Variants in RBM33 observed in about 807,000 individuals in gnomAD.
The protein encoded by RBM33 is RNA-binding protein 33.
In RBM33, 28 loss-of-function variants were observed where a neutral mutation model predicts 132.6. That is an observed-to-expected ratio of 0.21 (90% CI 0.16 to 0.29). RBM33 has a LOEUF of 0.29. RBM33 is among the 10% of genes least tolerant of loss of function. RBM33 has a pLI of 1.00. For synonymous variants in RBM33, 634 were observed against 593.0 expected (o/e 1.07, Z -1.01); for missense variants, 1,291 against 1,518.5 (o/e 0.85, Z 2.49).
chr7:155,712,057 T>C (rs929794375), intron 8 of RBM33, among the ~76,000 whole-genome samples: 4 of 152,358 alleles, frequency 2.6e-5, no homozygotes, highest in African/African-American at 4.8e-5. Context: ...TGGAAAGTGC[T>C]GAGAGTACAG....
intron 2 of RBM33, among the ~76,000 whole-genome samples, chr7:155,669,211 T>C (rs1798878719): frequency 6.6e-6 from 1 of 152,220 alleles, no homozygotes; most frequent in African/African-American, 2.4e-5. Flanking sequence ...TGGTAAGTTC[T>C]TCTGCCATGC....
At chr7:155,748,990 CCT>C (rs542819900) in intron 14 of RBM33, among the ~76,000 whole-genome samples, 87 of 152,070 alleles carry the variant, frequency 5.7e-4, no homozygotes, top group Non-Finnish European at 1.0e-3. Flanking sequence ...GAGATTGGAG[CCT>C]TTCTCTAGGA....
At chr7:155,767,719 C>T (rs1176941361) in intron 16 of RBM33, among the ~76,000 whole-genome samples, 1 of 152,160 alleles carries the variant, frequency 6.6e-6, no homozygotes, top group African/African-American at 2.4e-5. Flanking sequence ...TAACCCAAAG[C>T]CTTGGCTTCT....
At chr7:155,691,163 G>A (rs1026811528) in intron 5 of RBM33, among the ~76,000 whole-genome samples, 5 of 152,036 alleles carry the variant, frequency 3.3e-5, no homozygotes, top group Admixed American at 1.3e-4. Context: ...GGCTTTGTTC[G>A]TTTCTTTTTA....
intron 14 of RBM33, among the ~76,000 whole-genome samples, chr7:155,758,607 G>A (rs929953548): frequency 4.6e-5 from 7 of 152,232 alleles, no homozygotes; most frequent in African/African-American, 1.7e-4. Flanking sequence ...CAGACTGGTA[G>A]TGAGGGTTGG....
intron 16 of RBM33, among the ~76,000 whole-genome samples, chr7:155,773,885 T>TTCA (rs1458394212): frequency 6.6e-6 from 1 of 152,364 alleles, no homozygotes; most frequent in African/African-American, 2.4e-5. Flanking sequence ...CTTTACTGGA[T>TTCA]TCATCATTTC....
intron 14 of RBM33, among the ~76,000 whole-genome samples, chr7:155,763,316 C>T (rs1056836125): frequency 1.3e-5 from 2 of 152,164 alleles, no homozygotes; most frequent in Non-Finnish European, 2.9e-5. Context: ...GGGTGGAAGG[C>T]GCCGTGATGG....
chr7:155,670,206 T>G (rs1428806078), intron 2 of RBM33, among the ~76,000 whole-genome samples: 1 of 152,238 alleles, frequency 6.6e-6, no homozygotes, highest in South Asian at 2.1e-4. Flanking sequence ...CCAGAAAGAT[T>G]GTTCGTACTC....
At chr7:155,735,622 A>G (rs911492233) in intron 9 of RBM33, among the ~76,000 whole-genome samples, 5 of 152,120 alleles carry the variant, frequency 3.3e-5, no homozygotes, top group Admixed American at 2.0e-4. Context: ...CCCTTGAGCC[A>G]AGGAGTTTGA....
chr7:155,744,141 T>C (rs1004270588), intron 13 of RBM33, among the ~76,000 whole-genome samples: 3 of 152,204 alleles, frequency 2.0e-5, no homozygotes, highest in Admixed American at 6.5e-5. Context: ...TTAGGGAAAG[T>C]AAGATGGTGA....
intron 13 of RBM33, among the ~76,000 whole-genome samples, chr7:155,742,801 C>T (rs530057153): frequency 1.3e-5 from 2 of 152,292 alleles, no homozygotes; most frequent in Admixed American, 6.5e-5. Flanking sequence ...TAGTTGAGGC[C>T]GTCTTCTCCC....
intron 7 of RBM33, 61 bp downstream of exon 7, chr7:155,707,129 G>T: frequency 7.6e-7 from 1 of 1,323,072 alleles, no homozygotes; most frequent in Non-Finnish European, 1.1e-6. Flanking sequence ...GTAAGCTTTT[G>T]TGGGTATCCT....
intron 2 of RBM33, among the ~76,000 whole-genome samples, chr7:155,669,342 C>A (rs1192608825): frequency 6.6e-6 from 1 of 151,968 alleles, no homozygotes; most frequent in Admixed American, 6.6e-5. Flanking sequence ...GAAAGAGATA[C>A]CCACTCAAAA....
rs80193944 is a variant in RBM33 at position 155,774,066 on chromosome 7, A to G, written c.3376-493A>G. Among the ~76,000 whole-genome samples the G allele has an allele frequency of 0.043, 6,498 of 152,306 alleles. 210 individuals carry two copies. Among genetic ancestry groups the G allele is most frequent in the Non-Finnish European group, 0.069 (4,672 of 68,016 alleles). On this transcript the variant is annotated intron_variant, in intron 16 of 17. Transcript: ENST00000401878. This position sits in a 1 kb window ranked among gnomAD's most constrained non-coding sequence, Gnocchi z 4.2. ...TGCCCCAGGCACCACTGCCCTCACC[A>G]TGGCCCAGCCAGATGCACAGAGATG... is the stretch of plus-strand genomic sequence containing the variant.
At chr7:155,654,463 CGT>C (rs1798439247) in intron 1 of RBM33, among the ~76,000 whole-genome samples, 1 of 152,084 alleles carries the variant, frequency 6.6e-6, no homozygotes, top group Admixed American at 6.6e-5. Flanking sequence ...AGATTTCTTA[CGT>C]TGCTTTTCTA....
chr7:155,730,832 G>A (rs1800934945), intron 9 of RBM33, among the ~76,000 whole-genome samples: 1 of 152,196 alleles, frequency 6.6e-6, no homozygotes, highest in Non-Finnish European at 1.5e-5. Context: ...CATGTAAATA[G>A]TCAGTTAAAG....
chr7:155,660,623 T>C, intron 1 of RBM33, among the ~76,000 whole-genome samples: 1 of 152,206 alleles, frequency 6.6e-6, no homozygotes, highest in East Asian at 1.9e-4. Context: ...TGCACTTCCA[T>C]TGTAGGTGAT....
chr7:155,661,144 A>ATTTT (rs1276158233), intron 1 of RBM33, among the ~76,000 whole-genome samples: 16 of 40,746 alleles, frequency 3.9e-4, no homozygotes, highest in African/African-American at 1.3e-3. Flanking sequence ...ATATATATAT[A>ATTTT]TATTTTTTTT....
intron 15 of RBM33, among the ~76,000 whole-genome samples, chr7:155,764,299 C>T (rs995374800): frequency 6.6e-6 from 1 of 151,970 alleles, no homozygotes; most frequent in Non-Finnish European, 1.5e-5. Flanking sequence ...GCAGCATCTG[C>T]TGTGCTCTCG....
Sources: gnomAD v4.1 joint callset for allele counts (sites outside exome capture counted in the v4.1 genomes callset) on GRCh38, gnomAD v4.1.1 for gene constraint, Gnocchi (gnomAD v3.1) non-coding constraint, MANE v1.5 for transcripts, NCBI Gene and HGNC (gene_info 2026-07-23, HGNC 2026-07-21) for gene names.